EYS: variants seen among roughly 807,000 people sequenced by gnomAD.
The protein encoded by EYS is protein eyes shut homolog.
In EYS, 250 loss-of-function variants were observed where a neutral mutation model predicts 282.1. The ratio of observed to expected loss-of-function variants is 0.89; its 90% confidence interval spans 0.80 to 0.98. EYS has a LOEUF of 0.98. Ranked by LOEUF, EYS falls within the 50% of genes least tolerant of loss-of-function variation. The pLI is 0.00. For missense variants in EYS, 4,016 were observed against 3,709.0 expected (o/e 1.08, Z -2.15); for synonymous variants, 1,355 against 1,282.9 (o/e 1.06, Z -1.20).
In EYS at chr6:64,689,461, GAA is replaced by G. The variant is rs34945830; in HGVS notation, c.3444-63218_3444-63217del. ...ACCAATGACTTTCTTCACAGAACTGGAAAAAAAAAAACTACTTTAAAGTTCAT... is the reference window on the plus strand; with the variant it reads ...ACCAATGACTTTCTTCACAGAACTGGAAAAAAAAACTACTTTAAAGTTCAT... On this transcript the variant is annotated intron_variant, in intron 22 of 42. Transcript: ENST00000503581. Among the ~76,000 whole-genome samples, 1,376 of 150,218 alleles carry G rather than the reference GAA, an allele frequency of 9.2e-3. 7 individuals are homozygous for G. The highest frequency in any genetic ancestry group is 0.011 in the Non-Finnish European group (755 of 67,476).
At chr6:64,034,374 T>C (rs796692873) in intron 33 of EYS, among the ~76,000 whole-genome samples, 12 of 152,308 alleles carry the variant, frequency 7.9e-5, no homozygotes, top group African/African-American at 2.9e-4. Flanking sequence ...GTAGGCAATG[T>C]TATCTTACGG....
chr6:63,830,727 T>C (rs1771607826), intron 36 of EYS, among the ~76,000 whole-genome samples: 1 of 152,120 alleles, frequency 6.6e-6, no homozygotes, highest in African/African-American at 2.4e-5. Flanking sequence ...TCCACAAAGA[T>C]ACTCCTTGAG....
intron 22 of EYS, among the ~76,000 whole-genome samples, chr6:64,710,321 A>G (rs1771164835): frequency 6.6e-6 from 1 of 152,220 alleles, no homozygotes; most frequent in African/African-American, 2.4e-5. Flanking sequence ...CACTCTTAAA[A>G]TGTTACAACC....
At chr6:65,183,528 T>G (rs6908741) in intron 12 of EYS, among the ~76,000 whole-genome samples, 3 of 151,902 alleles carry the variant, frequency 2.0e-5, no homozygotes, top group African/African-American at 7.2e-5. Context: ...AAAAGTTTAT[T>G]TGGAAATACA....
chr6:63,814,806 G>A (rs1771138893), intron 36 of EYS, among the ~76,000 whole-genome samples: 1 of 152,138 alleles, frequency 6.6e-6, no homozygotes, highest in Non-Finnish European at 1.5e-5. Flanking sequence ...ATACATTACA[G>A]TTCATGGCCT....
At chr6:65,287,358 C>A (rs1424323934) in intron 12 of EYS, among the ~76,000 whole-genome samples, 1 of 151,392 alleles carries the variant, frequency 6.6e-6, no homozygotes. Flanking sequence ...CCCTTGGGGT[C>A]ACTTCCCAAG....
At chr6:64,958,967 T>C (rs1178876200) in intron 14 of EYS, among the ~76,000 whole-genome samples, 1 of 152,126 alleles carries the variant, frequency 6.6e-6, no homozygotes, top group South Asian at 2.1e-4. Flanking sequence ...GACTTGTATA[T>C]CTGTAGGTTA....
intron 5 of EYS, among the ~76,000 whole-genome samples, chr6:65,446,861 T>TGTA (rs145134290): frequency 0.18 from 27,990 of 151,386 alleles, 3,214 homozygotes; most frequent in Middle Eastern, 0.3. Flanking sequence ...GAGTACAAAA[T>TGTA]GTAAGAAATA....
rs1318343137 is a variant in EYS at position 64,081,976 on chromosome 6, T to C, written c.6451A>G (p.Asn2151Asp). The C allele has an allele frequency of 9.7e-6, 15 of 1,543,782 alleles. No individual in the cohort carries two copies. Among genetic ancestry groups the C allele is most frequent in the African/African-American group, 1.4e-5 (1 of 72,794 alleles). The stretch of plus-strand genomic sequence containing the variant: ...GGCAGTTCTAAATAGGAATTCCCAT[T>C]GAAAGATGGAAAGAATAAACCTGCA... ...KDAGLFFPSF[N>D]GNSYLELPFL... is the part of the protein sequence containing the mutation. The change falls in exon 32 of 43, where the codon AAT (asparagine) becomes GAT (aspartate). Residue 2151 changes from asparagine to aspartate, a missense_variant. Transcript: ENST00000503581.
intron 41 of EYS, among the ~76,000 whole-genome samples, chr6:63,759,633 T>C (rs1769581892): frequency 6.6e-6 from 1 of 152,124 alleles, no homozygotes; most frequent in Admixed American, 6.6e-5. Flanking sequence ...ACTACACCTC[T>C]ATTAATTATC....
intron 22 of EYS, among the ~76,000 whole-genome samples, chr6:64,736,489 G>A (rs1057472543): frequency 7.2e-5 from 11 of 152,082 alleles, no homozygotes; most frequent in Non-Finnish European, 1.6e-4. Context: ...CTATGACTCA[G>A]TGACAATAAA....
chr6:64,842,711 C>A (rs180740103), intron 19 of EYS, among the ~76,000 whole-genome samples: 1 of 151,730 alleles, frequency 6.6e-6, no homozygotes, highest in East Asian at 1.9e-4. Context: ...TTTGGACCTG[C>A]CCTAGAGATT....
At chr6:65,487,414 T>C (rs71317284) in intron 5 of EYS, among the ~76,000 whole-genome samples, 1 of 152,222 alleles carries the variant, frequency 6.6e-6, no homozygotes, top group Non-Finnish European at 1.5e-5. Flanking sequence ...AGGCCTTTTC[T>C]GCATCTATTG....
At chr6:65,045,524 GTCC>G (rs1342982343) in intron 13 of EYS, among the ~76,000 whole-genome samples, 1 of 151,752 alleles carries the variant, frequency 6.6e-6, no homozygotes, top group Non-Finnish European at 1.5e-5. Flanking sequence ...AGAAATTCGA[GTCC>G]TTATAAAAGA....
chr6:65,087,130 A>T (rs1774405190), intron 12 of EYS, among the ~76,000 whole-genome samples: 1 of 152,106 alleles, frequency 6.6e-6, no homozygotes, highest in South Asian at 2.1e-4. Flanking sequence ...CATATGTGTT[A>T]TTTTTTAACG....
intron 1 of EYS, among the ~76,000 whole-genome samples, chr6:65,662,378 G>A (rs192876650): frequency 1.3e-5 from 2 of 152,224 alleles, no homozygotes; most frequent in Admixed American, 6.5e-5. Flanking sequence ...CATTAAGGAT[G>A]AGCTTGATAT....
intron 11 of EYS, among the ~76,000 whole-genome samples, chr6:65,302,152 A>C (rs1245738851): frequency 2.6e-5 from 4 of 152,204 alleles, no homozygotes; most frequent in African/African-American, 9.6e-5. Flanking sequence ...CCAGTCTGAC[A>C]AAGGTTATTT....
intron 31 of EYS, among the ~76,000 whole-genome samples, chr6:64,114,953 C>T (rs2150269145): frequency 6.6e-6 from 1 of 152,274 alleles, no homozygotes; most frequent in African/African-American, 2.4e-5. Flanking sequence ...ATACATGCCC[C>T]TGACCCTGGA....
intron 2 of EYS, among the ~76,000 whole-genome samples, chr6:65,521,601 AT>A (rs995061449): frequency 3.9e-5 from 6 of 152,198 alleles, no homozygotes; most frequent in Non-Finnish European, 8.8e-5. Context: ...ATATAAAAAA[AT>A]CTACATTAAG....
Sources: gnomAD v4.1 joint callset for allele counts (sites outside exome capture counted in the v4.1 genomes callset) on GRCh38, gnomAD v4.1.1 for gene constraint, MANE v1.5 for transcripts, NCBI Gene and HGNC (gene_info 2026-07-23, HGNC 2026-07-21) for gene names.